Variants in ARID4B observed in about 807,000 individuals in gnomAD.
The protein encoded by ARID4B is AT-rich interaction domain 4B, also known as AT-rich interactive domain-containing protein 4B.
Under a neutral mutation model 147.5 loss-of-function variants are expected in ARID4B, and 26 were observed. The observed-to-expected ratio is 0.18, with a 90% CI of 0.13 to 0.24. The LOEUF (loss-of-function observed/expected upper bound fraction) is 0.24, where lower values mean the gene tolerates loss of function less well. Ranked by LOEUF, ARID4B falls within the 10% of genes least tolerant of loss-of-function variation. The pLI, the probability that ARID4B is intolerant of heterozygous loss-of-function variation, is 1.00. For synonymous variants in ARID4B, 512 were observed against 507.9 expected, an observed-to-expected ratio of 1.01 and a Z score of -0.11; for missense variants, 1,179 against 1,511.5, an observed-to-expected ratio of 0.78 and a Z score of 3.65.
In ARID4B at chr1:235,172,803, G is replaced by A. The variant is rs1297185935; in HGVS notation, c.3665-39C>T. The A allele has an allele frequency of 1.6e-5, 23 of 1,456,428 alleles. No individual in the cohort carries two copies. The East Asian group carries it at 5.3e-4, about 34-fold the overall frequency. 90.2% of individuals were successfully genotyped at this position (1,456,428 alleles called of 1,614,324 possible). ...GCTTTCATTAACAGACATTTTTAAA[G>A]AAAATTTTAACATACAAAAAGGAGA... On this transcript the variant is annotated intron_variant, in intron 22 of 23. Transcript: ENST00000264183.
intron 17 of ARID4B, among the ~76,000 whole-genome samples, chr1:235,204,521 T>C (rs1666179379): frequency 6.6e-6 from 1 of 152,134 alleles, no homozygotes; most frequent in Non-Finnish European, 1.5e-5. Context: ...AACGGAATGG[T>C]ATAGTAATTA....
Position 235,308,548 on chromosome 1 carries a change from C to T in ARID4B, c.6+18366G>A, listed in dbSNP as rs558439014. On this transcript the variant is annotated intron_variant, in intron 2 of 23. Transcript: ENST00000264183. ...GAGCCGAAGCTGGACTGTACTGCTG[C>T]CATCTCAGCTCACTGCAACCTCCCT... Among the ~76,000 whole-genome samples, 594 of 150,444 alleles carry T rather than the reference C, an allele frequency of 3.9e-3. 7 individuals are homozygous for T. Among genetic ancestry groups the T allele is most frequent in the Middle Eastern group, 0.014 (4 of 290 alleles).
At chr1:235,268,058 A>C (rs912964283) in intron 2 of ARID4B, among the ~76,000 whole-genome samples, 1 of 152,190 alleles carries the variant, frequency 6.6e-6, no homozygotes, top group Non-Finnish European at 1.5e-5. Flanking sequence ...CTGAATATAC[A>C]AGGCAGTGAA....
intron 20 of ARID4B, 75 bp from the exon 21 acceptor site, chr1:235,177,988 A>G (rs1664012344): frequency 1.1e-5 from 9 of 817,914 alleles, no homozygotes; most frequent in Non-Finnish European, 1.7e-5. Flanking sequence ...TCCACATTTT[A>G]GAAACATAGA....
At chr1:235,179,698 GATAT>G (rs1664154832) in intron 20 of ARID4B, among the ~76,000 whole-genome samples, 1 of 147,734 alleles carries the variant, frequency 6.8e-6, no homozygotes, top group African/African-American at 2.6e-5. Context: ...TAGCAGAGAA[GATAT>G]CCTCTTTTTT....
intron 17 of ARID4B, among the ~76,000 whole-genome samples, chr1:235,203,442 T>C (rs1008931904): frequency 1.3e-5 from 2 of 152,128 alleles, no homozygotes; most frequent in African/African-American, 4.8e-5. Flanking sequence ...ATAAACAGCA[T>C]GCAGAATAAA....
At chr1:235,234,515 TA>T in intron 8 of ARID4B, 23 bp from the exon 9 acceptor site, 1 of 1,519,192 alleles carries the variant, frequency 6.6e-7, no homozygotes, top group Non-Finnish European at 9.1e-7. Context: ...AGGGTGAAGC[TA>T]TTATAACTAA....
At chr1:235,299,098 C>T (rs1289306040) in intron 2 of ARID4B, among the ~76,000 whole-genome samples, 1 of 152,194 alleles carries the variant, frequency 6.6e-6, no homozygotes, top group Admixed American at 6.5e-5. Context: ...AAAAAAAAAG[C>T]AGTCTTACTG....
chr1:235,190,093 C>G (rs1664989365), intron 19 of ARID4B: 1 of 154,312 alleles, frequency 6.5e-6, no homozygotes, highest in South Asian at 2.0e-4. Context: ...TATCTGTTCT[C>G]TTCCTTTGGC....
At position 235,257,189 on chromosome 1, in the gene ARID4B, G is replaced by C. The variant is rs1264253873; in HGVS notation, c.154C>G (p.Gln52Glu). 6.2e-7 allele frequency: 1 copy of C among 1,612,622 alleles called. No individual in the cohort carries two copies. Among genetic ancestry groups the C allele is most frequent in the East Asian group, 2.2e-5 (1 of 44,796 alleles). The change falls in exon 4 of 24, where the codon CAG (glutamine) becomes GAG (glutamate). Residue 52 changes from glutamine to glutamate, a missense_variant. By Grantham distance (29) the Gln-to-Glu change is conservative (BLOSUM62 2). Coordinates refer to ENST00000264183, the MANE Select transcript of ARID4B (RefSeq NM_016374.6). ...AGTGGGCCCTTTATGTGGTCATCCT[G>C]AACTTCCACTGTTGAAGAATCATGT... ...FRHDSSTVEV[Q>E]DDHIKGPLKV...
rs1446653306 is a variant in ARID4B at position 235,181,616 on chromosome 1, A to G, written c.3303T>C (p.Ser1101=). Reference sequence around the variant, plus strand: ...CAGGATGTTCTGGTTCTGGCTGATTACTACTGCTTGAGCTCACACTGGCAT... The same window carrying G: ...CAGGATGTTCTGGTTCTGGCTGATTGCTACTGCTTGAGCTCACACTGGCAT... ...GFDASVSSSS[S]NQPEPEHPEK... The change falls in exon 20 of 24, where the codon AGT becomes AGC. Residue 1101 remains serine, a synonymous_variant. Coordinates refer to ENST00000264183, the MANE Select transcript of ARID4B (RefSeq NM_016374.6). The G allele has an allele frequency of 1.9e-6, 3 of 1,613,426 alleles. No individual in the cohort carries two copies. The highest frequency in any genetic ancestry group is 2.5e-6 in the Non-Finnish European group (3 of 1,180,026).
chr1:235,208,324 G>A (rs1424054525), intron 17 of ARID4B, among the ~76,000 whole-genome samples: 1 of 151,704 alleles, frequency 6.6e-6, no homozygotes, highest in African/African-American at 2.4e-5. Context: ...AGAGTGAAAG[G>A]GATCAATTAG....
chr1:235,274,119 T>C (rs1275627956), intron 2 of ARID4B, among the ~76,000 whole-genome samples: 1 of 152,186 alleles, frequency 6.6e-6, no homozygotes, highest in East Asian at 1.9e-4. Context: ...ACACCTGTAA[T>C]CCCAGCACTT....
At position 235,260,725 on chromosome 1, in the gene ARID4B, C is replaced by G; in HGVS notation, c.34G>C (p.Val12Leu). The G allele has an allele frequency of 6.2e-7, 1 of 1,610,482 alleles. No individual in the cohort carries two copies. The highest frequency in any genetic ancestry group is 8.5e-7 in the Non-Finnish European group (1 of 1,179,088). The change falls in exon 3 of 24, where the codon GTG becomes CTG. Residue 12 changes from valine (V) to leucine (L), a missense_variant. Transcript: ENST00000264183. ...TATTTAGCACTCACATCAGTGCCCA[C>G]TGTCAAATAGGGAGGCTCATCAAGG... ...KALDEPPYLT[V>L]GTDVSAKYRG...
At chr1:235,262,694 G>A (rs539322474) in intron 2 of ARID4B, among the ~76,000 whole-genome samples, 18 of 152,202 alleles carry the variant, frequency 1.2e-4, no homozygotes, top group African/African-American at 4.3e-4. Context: ...AAATGGCCAC[G>A]CATTGTGGCT....
chr1:235,326,791 C>G, intron 2 of ARID4B, 123 bp downstream of exon 2: 1 of 1,290,574 alleles, frequency 7.7e-7, no homozygotes, highest in Non-Finnish European at 1.1e-6. Flanking sequence ...AGGGCTCGGT[C>G]ACCAAGTCAC....
chr1:235,257,773 G>A (rs753344250), intron 3 of ARID4B, among the ~76,000 whole-genome samples: 1 of 152,152 alleles, frequency 6.6e-6, no homozygotes, highest in South Asian at 2.1e-4. Context: ...GAGTCACCAC[G>A]CCTGGTCCCA....
chr1:235,242,668 C>T (rs1266886530), intron 7 of ARID4B, among the ~76,000 whole-genome samples: 2 of 152,166 alleles, frequency 1.3e-5, no homozygotes, highest in African/African-American at 4.8e-5. Context: ...AAATTATCTG[C>T]ATCATTGTAA....
Position 235,182,716 on chromosome 1 carries a change from C to T in ARID4B, c.2203G>A (p.Glu735Lys), listed in dbSNP as rs1003549570. ...AQDMDNNGKE[E>K]SKIDHLTNNR... ...TTGGTCAAATGATCAATCTTAGATTCCTCTTTGCCATTATTATCCATGTCT... is the reference window on the plus strand; with the variant it reads ...TTGGTCAAATGATCAATCTTAGATTTCTCTTTGCCATTATTATCCATGTCT... Residue 735 changes from glutamate to lysine, a missense_variant, in exon 20 of 24, where the codon GAA becomes AAA. By Grantham distance (56) the Glu-to-Lys change is moderately conservative. Around this residue, in one of 10 missense-constraint regions of ARID4B, gnomAD observed 321 missense variants for 342.4 expected, o/e 0.94. Coordinates refer to ENST00000264183, the MANE Select transcript of ARID4B (RefSeq NM_016374.6). The T allele has an allele frequency of 3.1e-6, 5 of 1,613,444 alleles. No individual in the cohort carries two copies. In the African/African-American group the frequency reaches 6.7e-5, roughly 22 times the overall value.
Sources: allele counts gnomAD v4.1 joint callset (sites outside exome capture counted in the v4.1 genomes callset), GRCh38; gene constraint gnomAD v4.1.1; regional missense constraint gnomAD v4.1.1; transcripts MANE v1.5; gene names NCBI Gene and HGNC (gene_info 2026-07-23, HGNC 2026-07-21).